The following WWC1 variants were observed in gnomAD, a reference collection of about 807,000 sequenced individuals.
WWC1 encodes WW and C2 domain containing 1.
A neutral mutation model predicts 138.4 loss-of-function variants in WWC1; 55 were observed. The observed-to-expected ratio is 0.40, with a 90% CI of 0.32 to 0.50. The LOEUF (loss-of-function observed/expected upper bound fraction) is 0.50. WWC1 is among the 20% of genes least tolerant of loss of function. The pLI is 0.72. For synonymous variants in WWC1, 524 were observed against 564.9 expected (o/e 0.93, Z 1.03); for missense variants, 1,226 against 1,420.4 (o/e 0.86, Z 2.20).
At position 168,403,006 on chromosome 5, in the gene WWC1, T is replaced by TTTTCTTTCTTCCTTTCTTTC. The variant is rs1779432269; in HGVS notation, c.591-3182_591-3181insCCTTTCTTTCTTTCTTTCTT. Among the ~76,000 whole-genome samples the TTTTCTTTCTTCCTTTCTTTC allele has an allele frequency of 3.8e-5, 4 of 105,696 alleles. No individual in the cohort carries two copies. In the East Asian group the frequency reaches 7.7e-4, roughly 20 times the overall value. 69.3% of individuals were successfully genotyped at this position (105,696 alleles called of 152,430 possible). On this transcript the variant is annotated intron_variant, in intron 5 of 22. Transcript: ENST00000265293. Reference sequence around the variant, plus strand: ...AGCAGCCAAAAGCTCTGTTGTTTCTTTTTCTTTCTTTCTTTCTTTCTTTCT... The same window carrying TTTTCTTTCTTCCTTTCTTTC: ...AGCAGCCAAAAGCTCTGTTGTTTCTTTTTCTTTCTTCCTTTCTTTCTTTCTTTCTTTCTTTCTTTCTTTCT...
chr5:168,463,643 G>C (rs1487866709), intron 20 of WWC1, among the ~76,000 whole-genome samples: 2 of 152,168 alleles, frequency 1.3e-5, no homozygotes, highest in African/African-American at 4.8e-5. Flanking sequence ...GATGGGAGGA[G>C]AGTTAATGAT....
intron 1 of WWC1, among the ~76,000 whole-genome samples, chr5:168,362,155 G>A (rs940846136): frequency 1.2e-4 from 18 of 150,572 alleles, no homozygotes; most frequent in Non-Finnish European, 2.5e-4. Context: ...GTACTCATGT[G>A]CTGTTTCATG....
intron 2 of WWC1, among the ~76,000 whole-genome samples, chr5:168,378,848 G>C (rs1438386372): frequency 2.0e-5 from 3 of 152,176 alleles, no homozygotes; most frequent in Non-Finnish European, 4.4e-5. Flanking sequence ...ATATTCTCCA[G>C]ATGTTTTTAA....
At chr5:168,456,885 T>C (rs1396839955) in intron 19 of WWC1, among the ~76,000 whole-genome samples, 1 of 152,162 alleles carries the variant, frequency 6.6e-6, no homozygotes, top group African/African-American at 2.4e-5. Context: ...AGAACTTTGG[T>C]GAAATATTTA....
intron 8 of WWC1, among the ~76,000 whole-genome samples, chr5:168,413,457 C>T (rs188009929): frequency 1.0e-3 from 159 of 152,290 alleles, no homozygotes; most frequent in African/African-American, 3.6e-3. Flanking sequence ...ATAACCCACC[C>T]TATAGGTACC....
intron 3 of WWC1, among the ~76,000 whole-genome samples, chr5:168,391,692 A>G (rs1778515199): frequency 6.9e-6 from 1 of 145,742 alleles, no homozygotes; most frequent in African/African-American, 2.5e-5. Context: ...AAAAAATGCC[A>G]GTTGAATCAC....
At position 168,428,134 on chromosome 5, in the gene WWC1, G is replaced by C. The variant is rs747331058; in HGVS notation, c.1912G>C (p.Val638Leu). The C allele has an allele frequency of 1.9e-6, 3 of 1,612,900 alleles. No individual in the cohort carries two copies. The highest frequency in any genetic ancestry group is 2.5e-6 in the Non-Finnish European group (3 of 1,179,246). The change falls in exon 12 of 23, where the codon GTG becomes CTG. Residue 638 changes from valine to leucine, a missense_variant. Transcript: ENST00000265293. ...AGDSGVYEAS[V>L]QRLGASEAAA... is the part of the protein sequence containing the mutation. Reference sequence around the variant, plus strand: ...AGACAGTGGTGTGTACGAGGCTTCCGTGCAGAGGTAGGTGTCTGGGTGCTG... The same window carrying C: ...AGACAGTGGTGTGTACGAGGCTTCCCTGCAGAGGTAGGTGTCTGGGTGCTG...
Position 168,397,739 on chromosome 5 carries a change from C to T in WWC1, c.449C>T (p.Ser150Leu). The T allele has an allele frequency of 1.2e-6, 2 of 1,613,956 alleles. No individual in the cohort carries two copies. Among genetic ancestry groups the T allele is most frequent in the Non-Finnish European group, 1.7e-6 (2 of 1,179,908 alleles). ...TTCCTTACAGTGGTCTCTGGTTCATCATCCAGCTCCAAGTATGACCCTGAG... is the reference window on the plus strand; with the variant it reads ...TTCCTTACAGTGGTCTCTGGTTCATTATCCAGCTCCAAGTATGACCCTGAG... ...GSQVSLVSGS[S>L]SSSKYDPEIL... is the part of the protein sequence containing the mutation. Residue 150 changes from serine to leucine, a missense_variant, in exon 4 of 23, where the codon TCA becomes TTA. Coordinates refer to ENST00000265293, the MANE Select transcript of WWC1 (RefSeq NM_015238.3).
chr5:168,313,198 T>G (rs1447548302), intron 1 of WWC1, among the ~76,000 whole-genome samples: 6 of 152,184 alleles, frequency 3.9e-5, no homozygotes, highest in African/African-American at 1.4e-4. Flanking sequence ...CTCAAACCCC[T>G]GTGGCAAACT....
At position 168,305,360 on chromosome 5, in the gene WWC1, G is replaced by T. The variant is rs73801874; in HGVS notation, c.119+13089G>T. ...CTCCAGGCCCTCACCATCGCCTCAC[G>T]TCTTCTTGGCATTAAGATTCAGCTT... On this transcript the variant is annotated intron_variant, in intron 1 of 22. Transcript: ENST00000265293. Among the ~76,000 whole-genome samples, 1,013 of 152,154 alleles carry T rather than the reference G, an allele frequency of 6.7e-3. 6 individuals carry two copies. The highest frequency in any genetic ancestry group is 0.024 in the South Asian group (116 of 4,814).
At chr5:168,343,441 G>T (rs1397331449) in intron 1 of WWC1, among the ~76,000 whole-genome samples, 2 of 152,168 alleles carry the variant, frequency 1.3e-5, no homozygotes, top group Non-Finnish European at 2.9e-5. Flanking sequence ...GCTCAGGTTG[G>T]CTGGACTCTA....
chr5:168,440,936 TAGCA>T, intron 15 of WWC1, among the ~76,000 whole-genome samples: 1 of 152,162 alleles, frequency 6.6e-6, no homozygotes, highest in East Asian at 1.9e-4. Flanking sequence ...AAGCAAAATG[TAGCA>T]TACCCATACA....
intron 5 of WWC1, among the ~76,000 whole-genome samples, 170 bp from the exon 6 acceptor site, chr5:168,406,028 G>A (rs1019575345): frequency 2.0e-5 from 3 of 152,184 alleles, no homozygotes; most frequent in Middle Eastern, 3.4e-3. Context: ...TGCCCAGCCC[G>A]GGACCTTCTA....
rs1260556192 is a variant in WWC1 at position 168,422,030 on chromosome 5, A to G, written c.1207A>G (p.Asn403Asp). 6.2e-7 allele frequency: 1 copy of G among 1,612,016 alleles called. No homozygotes were observed. Among genetic ancestry groups the G allele is most frequent in the African/African-American group, 1.3e-5 (1 of 74,866 alleles). Reference protein sequence around the residue: ...TERLKLNSKRNQLVRELEEAT... With the variant: ...TERLKLNSKRDQLVRELEEAT... ...CAGGTTAAAGTTAAACAGTAAGAGG[A>G]ACCAGCTTGTGAGAGAACTGGAGGA... The change falls in exon 10 of 23, where the codon AAC becomes GAC. Residue 403 changes from asparagine (N) to aspartate (D), a missense_variant. This residue lies in a region of WWC1 where 1,016 missense variants were observed against 1,153.9 expected (regional missense o/e 0.88). Transcript: ENST00000265293.
chr5:168,416,149 C>T (rs1159665188), intron 9 of WWC1: 2 of 152,214 alleles, frequency 1.3e-5, no homozygotes, highest in Non-Finnish European at 2.9e-5. Flanking sequence ...TGCCTGGCCT[C>T]CCATGGCTTC....
chr5:168,320,214 T>C (rs565761379), intron 1 of WWC1, among the ~76,000 whole-genome samples: 1 of 152,258 alleles, frequency 6.6e-6, no homozygotes, highest in African/African-American at 2.4e-5. Context: ...TTTGTATTTT[T>C]AGTAGAGACG....
At chr5:168,396,478 G>A (rs1474188116) in intron 3 of WWC1, among the ~76,000 whole-genome samples, 1 of 151,868 alleles carries the variant, frequency 6.6e-6, no homozygotes, top group Non-Finnish European at 1.5e-5. Flanking sequence ...TAGTAGGTAG[G>A]CAGGGGAGAT....
At chr5:168,443,302 T>G (rs1172813347) in intron 16 of WWC1, among the ~76,000 whole-genome samples, 2 of 152,134 alleles carry the variant, frequency 1.3e-5, no homozygotes, top group African/African-American at 4.8e-5. Flanking sequence ...CTCCTCTCCT[T>G]TCCCTCCCAT....
At chr5:168,370,940 T>C (rs766296652) in intron 1 of WWC1, among the ~76,000 whole-genome samples, 1 of 152,188 alleles carries the variant, frequency 6.6e-6, no homozygotes, top group Non-Finnish European at 1.5e-5. Flanking sequence ...CTATTCTTGA[T>C]GTTGCGGCAA....
Sources: allele counts gnomAD v4.1 joint callset (sites outside exome capture counted in the v4.1 genomes callset), GRCh38; gene constraint gnomAD v4.1.1; regional missense constraint gnomAD v4.1.1; transcripts MANE v1.5; gene names NCBI Gene and HGNC (gene_info 2026-07-23, HGNC 2026-07-21).